ZFY: variants seen among roughly 807,000 people sequenced by gnomAD.
ZFY encodes the protein zinc finger Y-chromosomal protein.
For synonymous variants in ZFY, 47 were observed against 55.8 expected (o/e 0.84, Z 0.71); for missense variants, 113 against 170.9 (o/e 0.66, Z 1.89).
At chrY:2,952,117 A>G in intron 1 of ZFY, among the ~76,000 whole-genome samples, 1 of 32,032 alleles carries the variant, frequency 3.1e-5, no homozygotes, top group Admixed American at 2.8e-4. Context: ...ACAGGGTTTC[A>G]CTGTCTGTAC....
At chrY:2,965,943 CACACACACTTT>C (rs2051326305) in intron 3 of ZFY, among the ~76,000 whole-genome samples, 1 of 33,971 alleles carries the variant, frequency 2.9e-5, no homozygotes, top group African/African-American at 1.1e-4. Context: ...TGACAAAACA[CACACACACTTT>C]ATAGGATTAG....
intron 1 of ZFY, among the ~76,000 whole-genome samples, chrY:2,950,075 T>C: frequency 9.3e-5 from 3 of 32,152 alleles, no homozygotes; most frequent in Non-Finnish European, 2.3e-4. Flanking sequence ...AGACATTGTC[T>C]TGCTCTGTCA....
At chrY:2,939,022 T>TAA in intron 1 of ZFY, among the ~76,000 whole-genome samples, 1 of 16,749 alleles carries the variant, frequency 6.0e-5, no homozygotes, top group East Asian at 1.6e-3. Flanking sequence ...TATATATATA[T>TAA]AAATAAATAA....
chrY:2,969,510 G>A (rs2051340965), intron 3 of ZFY, among the ~76,000 whole-genome samples: 2 of 33,623 alleles, frequency 5.9e-5, no homozygotes, highest in African/African-American at 2.3e-4. Context: ...GTTGTTGACA[G>A]TAGGACAGAT....
intron 2 of ZFY, among the ~76,000 whole-genome samples, chrY:2,959,503 G>T: frequency 5.9e-5 from 2 of 33,653 alleles, no homozygotes; most frequent in Non-Finnish European, 1.5e-4. Flanking sequence ...AACCAGTGCT[G>T]TTGCCACTAA....
chrY:2,949,343 G>A (rs2051271641), intron 1 of ZFY, among the ~76,000 whole-genome samples: 1 of 30,673 alleles, frequency 3.3e-5, no homozygotes, highest in Non-Finnish European at 7.7e-5. Flanking sequence ...ATGTTGGCCA[G>A]GCTGGGTTTA....
intron 2 of ZFY, among the ~76,000 whole-genome samples, chrY:2,955,568 C>T (rs999467465): frequency 5.9e-5 from 2 of 34,166 alleles, no homozygotes; most frequent in Non-Finnish European, 1.5e-4. Flanking sequence ...CCTGTGGCTC[C>T]GCCCTTTGAG....
chrY:2,970,809 AC>A (rs2051346213), intron 3 of ZFY, among the ~76,000 whole-genome samples: 1 of 33,246 alleles, frequency 3.0e-5, no homozygotes, highest in African/African-American at 1.2e-4. Flanking sequence ...AGCTTTTACT[AC>A]TTAGGTTAAT....
At chrY:2,963,982 T>G in intron 3 of ZFY, among the ~76,000 whole-genome samples, 1 of 32,821 alleles carries the variant, frequency 3.0e-5, no homozygotes, top group Admixed American at 2.8e-4. Context: ...ATTTTAAAAA[T>G]GTATATCTAC....
chrY:2,941,746 G>T (rs2051242046), intron 1 of ZFY, among the ~76,000 whole-genome samples: 1 of 31,891 alleles, frequency 3.1e-5, no homozygotes, highest in Non-Finnish European at 7.6e-5. Flanking sequence ...CGGGTGAGCT[G>T]TCCATCTTGG....
chrY:2,963,400 T>C, intron 3 of ZFY, among the ~76,000 whole-genome samples: 1 of 33,413 alleles, frequency 3.0e-5, no homozygotes, highest in Non-Finnish European at 7.4e-5. Context: ...GCTATTGAGA[T>C]CAACATGACC....
chrY:2,955,714 G>A, intron 2 of ZFY, among the ~76,000 whole-genome samples: 1 of 33,693 alleles, frequency 3.0e-5, no homozygotes, highest in Non-Finnish European at 7.3e-5. Flanking sequence ...GTTTAAGCTA[G>A]CAGTGCTTCT....
At chrY:2,957,820 A>G (rs2051297651) in intron 2 of ZFY, among the ~76,000 whole-genome samples, 1 of 34,050 alleles carries the variant, frequency 2.9e-5, no homozygotes, top group African/African-American at 1.1e-4. Context: ...AGCTAGTTTC[A>G]TAAGGTATTG....
chrY:2,939,724 A>G, intron 1 of ZFY, among the ~76,000 whole-genome samples: 1 of 33,634 alleles, frequency 3.0e-5, no homozygotes, highest in Non-Finnish European at 7.4e-5. Context: ...TATCTGGCAC[A>G]TAGTAGGTAC....
intron 3 of ZFY, among the ~76,000 whole-genome samples, chrY:2,974,169 T>TTTTA (rs1359877431): frequency 0.013 from 356 of 27,467 alleles, no homozygotes; most frequent in Non-Finnish European, 0.023. Context: ...TTACAACTAT[T>TTTTA]TATTTATTTA....
At chrY:2,945,805 ATTAT>A (rs2051260928) in intron 1 of ZFY, among the ~76,000 whole-genome samples, 1 of 32,961 alleles carries the variant, frequency 3.0e-5, no homozygotes, top group Non-Finnish European at 7.5e-5. Flanking sequence ...TTACCCCTGA[ATTAT>A]TTAAGTTTTT....
chrY:2,941,383 A>T (rs1270120), intron 1 of ZFY, among the ~76,000 whole-genome samples: 14 of 33,529 alleles, frequency 4.2e-4, no homozygotes, highest in Admixed American at 1.1e-3. Context: ...TGGAATTGGT[A>T]ATCTGAAGTG....
intron 3 of ZFY, among the ~76,000 whole-genome samples, 191 bp from the exon 4 acceptor site, chrY:2,974,903 AT>A (rs2051361234): frequency 2.9e-5 from 1 of 34,154 alleles, no homozygotes; most frequent in Non-Finnish European, 7.3e-5. Flanking sequence ...GTGAACTATA[AT>A]TGTGCCACTG....
At chrY:2,938,154 A>ATTT (rs368708159) in intron 1 of ZFY, among the ~76,000 whole-genome samples, 6 of 2,845 alleles carry the variant, frequency 2.1e-3, no homozygotes, top group Admixed American at 5.6e-3. Context: ...CGCCGGGCTA[A>ATTT]TTTTTTTTTT....
Sources: allele counts gnomAD v4.1 joint callset (sites outside exome capture counted in the v4.1 genomes callset), GRCh38; gene constraint gnomAD v4.1.1; transcripts MANE v1.5; gene names NCBI Gene and HGNC (gene_info 2026-07-23, HGNC 2026-07-21).